ASTN1: variants seen among roughly 807,000 people sequenced by gnomAD.
The protein encoded by ASTN1 is astrotactin 1, also known as astrotactin-1.
ASTN1 carries 41 observed loss-of-function variants against 140.7 expected under a neutral mutation model. The observed-to-expected ratio is 0.29, with a 90% CI of 0.23 to 0.38. The LOEUF is 0.38. ASTN1 is among the 10% of genes least tolerant of loss of function. ASTN1 has a pLI of 1.00. For missense variants in ASTN1, 1,479 were observed against 1,678.8 expected (o/e 0.88, Z 2.08); for synonymous variants, 640 against 652.2 (o/e 0.98, Z 0.29).
At chr1:176,891,592 G>A (rs559663535) in intron 17 of ASTN1, among the ~76,000 whole-genome samples, 4 of 152,148 alleles carry the variant, frequency 2.6e-5, no homozygotes, top group South Asian at 2.1e-4. Flanking sequence ...TCGGGAGTTC[G>A]AGACCAGCCT....
intron 2 of ASTN1, among the ~76,000 whole-genome samples, chr1:177,057,261 T>C (rs1410076823): frequency 1.3e-5 from 2 of 152,316 alleles, no homozygotes; most frequent in Non-Finnish European, 2.9e-5. Flanking sequence ...AGCTGGGGAA[T>C]TGGCTTTCTG....
intron 1 of ASTN1, among the ~76,000 whole-genome samples, chr1:177,069,721 A>G (rs1678543622): frequency 6.6e-6 from 1 of 152,170 alleles, no homozygotes; most frequent in Admixed American, 6.5e-5. Flanking sequence ...AACCAGACAG[A>G]TGAGGAGGCA....
intron 1 of ASTN1, among the ~76,000 whole-genome samples, chr1:177,139,911 GA>G (rs1419705513): frequency 6.6e-6 from 1 of 152,010 alleles, no homozygotes; most frequent in Non-Finnish European, 1.5e-5. Context: ...ATCACTGTAA[GA>G]AATTTTTTCT....
At chr1:177,163,476 A>G (rs1169970417) in intron 1 of ASTN1, among the ~76,000 whole-genome samples, 1 of 152,182 alleles carries the variant, frequency 6.6e-6, no homozygotes, top group Non-Finnish European at 1.5e-5. Context: ...AGTGGAAAAC[A>G]GGGATGATTT....
At chr1:176,930,672 T>C (rs1671170031) in intron 16 of ASTN1, among the ~76,000 whole-genome samples, 1 of 152,140 alleles carries the variant, frequency 6.6e-6, no homozygotes, top group Non-Finnish European at 1.5e-5. Flanking sequence ...GGTCACAGGA[T>C]TGACATCAGG....
intron 2 of ASTN1, among the ~76,000 whole-genome samples, chr1:177,049,239 C>T (rs1677408298): frequency 6.6e-6 from 1 of 152,118 alleles, no homozygotes; most frequent in Non-Finnish European, 1.5e-5. Flanking sequence ...ACATAGCCCA[C>T]CTATGTGCTC....
intron 9 of ASTN1, among the ~76,000 whole-genome samples, chr1:176,958,991 G>A (rs768120062): frequency 3.9e-5 from 6 of 152,246 alleles, no homozygotes; most frequent in Middle Eastern, 3.4e-3. Context: ...AGAGCCTCCA[G>A]GGAGGAGAGA....
At chr1:177,101,001 C>T (rs1277478328) in intron 1 of ASTN1, among the ~76,000 whole-genome samples, 1 of 152,054 alleles carries the variant, frequency 6.6e-6, no homozygotes, top group East Asian at 1.9e-4. Flanking sequence ...GCTGAGGCAG[C>T]AGAATCGCTT....
At chr1:177,158,561 G>A (rs1362510853) in intron 1 of ASTN1, among the ~76,000 whole-genome samples, 2 of 151,808 alleles carry the variant, frequency 1.3e-5, no homozygotes, top group African/African-American at 2.4e-5. Flanking sequence ...CTGCTGAAAA[G>A]TTGCCAGGTT....
At chr1:176,884,232 C>T in intron 19 of ASTN1, 107 bp downstream of exon 19, 1 of 1,339,402 alleles carries the variant, frequency 7.5e-7, no homozygotes, top group South Asian at 1.5e-5. Context: ...CCTGCATTGC[C>T]CTGGGATACT....
At chr1:176,962,628 T>G (rs1024667082) in intron 9 of ASTN1, among the ~76,000 whole-genome samples, 5 of 152,136 alleles carry the variant, frequency 3.3e-5, no homozygotes, top group Admixed American at 2.6e-4. Context: ...AGGGGTAAAG[T>G]CATTGCGGAT....
Position 177,023,496 on chromosome 1 carries a change from A to T in ASTN1, c.1346T>A (p.Phe449Tyr). 1 of 1,612,748 alleles carries T rather than the reference A, an allele frequency of 6.2e-7. No homozygotes were observed. Among genetic ancestry groups the T allele is most frequent in the Non-Finnish European group, 8.5e-7 (1 of 1,179,510 alleles). The change falls in exon 7 of 23, where the codon TTC becomes TAC. Residue 449 changes from phenylalanine (F) to tyrosine (Y), a missense_variant. Phe to Tyr is a conservative substitution (Grantham distance 22). Coordinates refer to ENST00000361833, the MANE Select transcript of ASTN1 (RefSeq NM_004319.3). ...DWLNPAQVVLFSQQNSSGPWA... is the reference protein window; with the variant it reads ...DWLNPAQVVLYSQQNSSGPWA... The stretch of plus-strand genomic sequence containing the variant: ...GGGTCCGCTGGAGTTCTGCTGAGAG[A>T]AGAGAACCACTTGGGCAGGGTTCAG...
chr1:177,086,363 G>T (rs1211590255), intron 1 of ASTN1, among the ~76,000 whole-genome samples: 1 of 151,454 alleles, frequency 6.6e-6, no homozygotes, highest in Non-Finnish European at 1.5e-5. Flanking sequence ...TTCTGAAGAA[G>T]AAAAAAAATA....
At chr1:176,883,852 C>A (rs1264344012) in intron 19 of ASTN1, among the ~76,000 whole-genome samples, 2 of 133,082 alleles carry the variant, frequency 1.5e-5, no homozygotes, top group East Asian at 8.5e-4. Context: ...TTCCCTCTTA[C>A]TAGCTGGACC....
chr1:176,876,633 T>A lies in ASTN1; in HGVS notation c.3367A>T (p.Thr1123Ser). 1 of 1,614,046 alleles carries A rather than the reference T, an allele frequency of 6.2e-7. No homozygotes were observed. The highest frequency in any genetic ancestry group is 1.7e-5 in the Admixed American group (1 of 59,994). Reference protein sequence around the residue: ...CLEPDTIYMFTLWGVDNTGRR... With the variant: ...CLEPDTIYMFSLWGVDNTGRR... ...CCTGTGTTGTCCACTCCCCACAGCG[T>A]GAACCTGGCAGGGAGTGGGAGGGCA... is the stretch of plus-strand genomic sequence containing the variant. Residue 1123 changes from threonine (T) to serine (S), a missense_variant, in exon 21 of 23, where the codon ACG becomes TCG. Transcript: ENST00000361833.
At chr1:177,030,461 C>G (rs73045480) in intron 4 of ASTN1, among the ~76,000 whole-genome samples, 2,196 of 152,250 alleles carry the variant, frequency 0.014, 56 homozygotes, top group African/African-American at 0.047. Context: ...GGACAGCAGA[C>G]AGATGTGCTA....
chr1:177,128,123 T>G (rs749413562), intron 1 of ASTN1, among the ~76,000 whole-genome samples: 13 of 152,222 alleles, frequency 8.5e-5, no homozygotes, highest in Non-Finnish European at 1.8e-4. Context: ...CACATAATTT[T>G]CTGTCTTTAG....
chr1:176,964,577 C>T (rs920507809), intron 9 of ASTN1, among the ~76,000 whole-genome samples: 24 of 152,234 alleles, frequency 1.6e-4, no homozygotes, highest in African/African-American at 4.8e-4. Flanking sequence ...CTAATACGTG[C>T]TATTCCCAGG....
chr1:176,889,055 T>C (rs1039950207), intron 17 of ASTN1, among the ~76,000 whole-genome samples: 1 of 152,258 alleles, frequency 6.6e-6, no homozygotes, highest in Admixed American at 6.5e-5. Flanking sequence ...GATAGAAATT[T>C]GTAACCATCA....
Sources: gnomAD v4.1 joint callset for allele counts (sites outside exome capture counted in the v4.1 genomes callset) on GRCh38, gnomAD v4.1.1 for gene constraint, MANE v1.5 for transcripts, NCBI Gene and HGNC (gene_info 2026-07-23, HGNC 2026-07-21) for gene names.